Variants in LYST observed in about 807,000 individuals in gnomAD.
The protein encoded by LYST is lysosomal-trafficking regulator.
LYST carries 192 observed loss-of-function variants against 413.6 expected under a neutral mutation model. The observed-to-expected ratio is 0.46, with a 90% CI of 0.41 to 0.52. The LOEUF is 0.52. Ranked by LOEUF, LYST falls within the 20% of genes least tolerant of loss-of-function variation. The probability of loss-of-function intolerance (pLI) is 0.00; values close to 1 mark genes in which losing one functional copy is unlikely to be tolerated. For missense variants in LYST, 3,815 were observed against 4,499.9 expected (o/e 0.85, Z 4.35); for synonymous variants, 1,525 against 1,567.3 (o/e 0.97, Z 0.64).
At position 235,709,145 on chromosome 1, in the gene LYST, C is replaced by A; in HGVS notation, c.10089G>T (p.Gly3363=). 6.2e-7 allele frequency: 1 copy of A among 1,614,074 alleles called. No homozygotes were observed. The highest frequency in any genetic ancestry group is 1.1e-5 in the South Asian group (1 of 91,078). Residue 3363 remains glycine (G), a synonymous_variant, in exon 44 of 53, where the codon GGG becomes GGT. Transcript: ENST00000389793. The stretch of plus-strand genomic sequence containing the variant: ...CAGAAGCCTTCCCCTTTTGCTTATA[C>A]CCAAACACCAAGTCAATCCACTGAC... ...NICQWIDLVF[G]YKQKGKASVQ...
intron 38 of LYST, 125 bp downstream of exon 38, chr1:235,727,951 A>C (rs1427031086): frequency 2.7e-6 from 2 of 747,406 alleles, no homozygotes; most frequent in Non-Finnish European, 4.7e-6. Context: ...AACTCAGACC[A>C]ATCTATACAT....
Position 235,788,858 on chromosome 1 carries a change from G to C in LYST, c.4544-13C>G, listed in dbSNP as rs1670701959. 1.9e-6 allele frequency: 3 copies of C among 1,612,526 alleles called. No homozygotes were observed. Among genetic ancestry groups the C allele is most frequent in the Non-Finnish European group, 2.5e-6 (3 of 1,178,708 alleles). ...GGTCTGTCGCTCTCTATAAGAAAAA[G>C]ATGTTAGAATGATCAGTAAAATGGT... On this transcript the variant is annotated splice_polypyrimidine_tract_variant and intron_variant, in intron 12 of 52. Transcript: ENST00000389793.
At chr1:235,754,591 T>C (rs1188105518) in intron 25 of LYST, among the ~76,000 whole-genome samples, 2 of 152,188 alleles carry the variant, frequency 1.3e-5, no homozygotes, top group African/African-American at 4.8e-5. Flanking sequence ...ATCACTTTCA[T>C]CTGATGCAGC....
intron 12 of LYST, 70 bp downstream of exon 12, chr1:235,791,629 T>C (rs977152778): frequency 2.2e-6 from 3 of 1,336,672 alleles, no homozygotes; most frequent in Non-Finnish European, 3.2e-6. Context: ...TACCACATTT[T>C]TACGGCTCAA....
At chr1:235,805,602 ATAT>A (rs947025351) in intron 6 of LYST, 138 bp downstream of exon 6, 13 of 267,908 alleles carry the variant, frequency 4.9e-5, no homozygotes, top group Admixed American at 2.2e-4. Context: ...TAAAAGTAAT[ATAT>A]TATATGTTAT....
In LYST at chr1:235,759,268, C is replaced by G; in HGVS notation, c.6585G>C (p.Leu2195=). Reference sequence around the variant, plus strand: ...GATCTGCTTTGACCACTGGAAATCCCAGCACTCCCTTTGGGACATCACTGA... The same window carrying G: ...GATCTGCTTTGACCACTGGAAATCCGAGCACTCCCTTTGGGACATCACTGA... ...VSVSDVPKGV[L]GFPVVKADHK... The change falls in exon 23 of 53, where the codon CTG becomes CTC. Residue 2195 remains leucine (L), a synonymous_variant. Coordinates refer to ENST00000389793, the MANE Select transcript of LYST (RefSeq NM_000081.4). 6.2e-7 allele frequency: 1 copy of G among 1,614,172 alleles called. No individual in the cohort carries two copies. The highest frequency in any genetic ancestry group is 1.1e-5 in the South Asian group (1 of 91,088).
At chr1:235,718,212 A>G (rs1215634435) in intron 40 of LYST, among the ~76,000 whole-genome samples, 1 of 150,854 alleles carries the variant, frequency 6.6e-6, no homozygotes. Context: ...TTTTGGACAC[A>G]AGCTATGTTA....
rs150813257 is a variant in LYST, at chr1:235,829,523, C to T, written c.192+703G>A. On this transcript the variant is annotated intron_variant, in intron 3 of 52. Transcript: ENST00000389793. Reference sequence around the variant, plus strand: ...CCTGAAAGCAGATTGTAGAGTTTTACGATCACAAAATAATTATTCATTTTC... The same window carrying T: ...CCTGAAAGCAGATTGTAGAGTTTTATGATCACAAAATAATTATTCATTTTC... The T allele has an allele frequency of 7.2e-4, 109 of 152,082 alleles. 1 individual carries two copies. Among genetic ancestry groups the T allele is most frequent in the African/African-American group, 2.4e-3 (99 of 41,484 alleles). The allele number at this position is 152,082 out of a possible 1,614,324, so 9.4% of individuals were successfully genotyped here. A position where few individuals can be genotyped will look rare whatever the true frequency, so the allele number is the denominator to read the frequency against.
chr1:235,865,705 T>G (rs1680432170), intron 1 of LYST, among the ~76,000 whole-genome samples: 1 of 152,228 alleles, frequency 6.6e-6, no homozygotes, highest in Non-Finnish European at 1.5e-5. Flanking sequence ...CAACTACATC[T>G]ATAAATTGAA....
At position 235,808,878 on chromosome 1, in the gene LYST, A is replaced by C. The variant is rs147794568; in HGVS notation, c.1940T>G (p.Leu647Arg). The change falls in exon 5 of 53, where the codon CTA (leucine) becomes CGA (arginine). Residue 647 changes from leucine (L) to arginine (R), a missense_variant. Physicochemically the swap from Leu to Arg is moderately radical, Grantham distance 102. Coordinates refer to ENST00000389793, the MANE Select transcript of LYST (RefSeq NM_000081.4). ...CTGCAGTGTCTCTTCTAATTGGGCT[A>C]GTTGGTCAGAGTCAACAGTACAAAT... ...CNICTVDSDQ[L>R]AQLEETLQGN... is the part of the protein sequence containing the mutation. 6.9e-5 allele frequency: 112 copies of C among 1,613,840 alleles called. No homozygotes were observed. The highest frequency in any genetic ancestry group is 9.0e-5 in the Non-Finnish European group (106 of 1,179,904).
chr1:235,689,959 T>A (rs1017500317), intron 47 of LYST, among the ~76,000 whole-genome samples: 5 of 152,340 alleles, frequency 3.3e-5, no homozygotes, highest in Non-Finnish European at 4.4e-5. Context: ...TCGGAAAGCA[T>A]CTTTAAAGTT....
chr1:235,661,681 C>T lies in LYST; in HGVS notation c.*1259G>A, dbSNP rs1266290467. The T allele has an allele frequency of 1.3e-5, 2 of 152,530 alleles. No individual in the cohort carries two copies. The highest frequency in any genetic ancestry group is 4.8e-5 in the African/African-American group (2 of 41,406). The allele number at this position is 152,530 out of a possible 1,614,324, so 9.4% of individuals were successfully genotyped here. A position where few individuals can be genotyped will look rare whatever the true frequency, so the allele number is the denominator to read the frequency against. On this transcript the variant is annotated 3_prime_UTR_variant, in exon 53 of 53. Coordinates refer to ENST00000389793, the MANE Select transcript of LYST (RefSeq NM_000081.4). ...GTAAACACCATATGAATTAAATTTC[C>T]ATAACAAATGCACAAGTTATTCTTA... is the stretch of plus-strand genomic sequence containing the variant.
chr1:235,780,856 A>G lies in LYST; in HGVS notation c.5214+9T>C, dbSNP rs1669797623. 9 of 1,266,048 alleles carry G rather than the reference A, an allele frequency of 7.1e-6. No homozygotes were observed. The highest frequency in any genetic ancestry group is 2.1e-5 in the Admixed American group (1 of 47,626). 78.4% of individuals were successfully genotyped at this position (1,266,048 alleles called of 1,614,324 possible). Reference sequence around the variant, plus strand: ...CTATAAAATTAAAATTTATAAAATTAAAACTTACAATTAAGAGACCAATAT... The same window carrying G: ...CTATAAAATTAAAATTTATAAAATTGAAACTTACAATTAAGAGACCAATAT... On this transcript the variant is annotated intron_variant, in intron 16 of 52. Coordinates refer to ENST00000389793, the MANE Select transcript of LYST (RefSeq NM_000081.4).
intron 47 of LYST, among the ~76,000 whole-genome samples, chr1:235,689,026 T>TAATAATAACAAC (rs1202677227): frequency 4.7e-4 from 44 of 92,964 alleles, no homozygotes; most frequent in Non-Finnish European, 9.7e-4. Flanking sequence ...ATAATAATAA[T>TAATAATAACAAC]AACAACAACA....
chr1:235,725,057 G>C (rs1015705918), intron 38 of LYST, among the ~76,000 whole-genome samples: 1 of 152,228 alleles, frequency 6.6e-6, no homozygotes, highest in African/African-American at 2.4e-5. Flanking sequence ...TCAGGGTATG[G>C]AATTGAGATT....
chr1:235,767,935 C>T (rs1208209279), intron 20 of LYST, among the ~76,000 whole-genome samples: 1 of 152,080 alleles, frequency 6.6e-6, no homozygotes, highest in East Asian at 1.9e-4. Context: ...CTGCCGACCT[C>T]TGGCTTTCAC....
intron 1 of LYST, among the ~76,000 whole-genome samples, chr1:235,857,378 A>T (rs923422910): frequency 2.0e-5 from 3 of 152,140 alleles, no homozygotes; most frequent in African/African-American, 7.2e-5. Context: ...ATCATGGGCT[A>T]TTTCTTCTGG....
intron 48 of LYST, among the ~76,000 whole-genome samples, chr1:235,685,533 G>A (rs759246340): frequency 1.3e-5 from 2 of 152,024 alleles, no homozygotes; most frequent in East Asian, 1.9e-4. Flanking sequence ...GAGTTCAAAA[G>A]GGAATAAGCT....
intron 1 of LYST, among the ~76,000 whole-genome samples, chr1:235,881,621 CTG>C (rs1000378228): frequency 3.3e-5 from 5 of 151,966 alleles, no homozygotes; most frequent in African/African-American, 1.2e-4. Context: ...ATATATATCA[CTG>C]TGTGTGTGTA....
Sources: allele counts gnomAD v4.1 joint callset (sites outside exome capture counted in the v4.1 genomes callset), GRCh38; gene constraint gnomAD v4.1.1; transcripts MANE v1.5; gene names NCBI Gene and HGNC (gene_info 2026-07-23, HGNC 2026-07-21).